Variants in SNTG1 observed in about 807,000 individuals in gnomAD.
SNTG1 encodes gamma-1-syntrophin.
SNTG1 carries 39 observed loss-of-function variants against 74.7 expected under a neutral mutation model. That is an observed-to-expected ratio of 0.52 (90% confidence interval 0.40 to 0.68). The LOEUF (loss-of-function observed/expected upper bound fraction) is 0.68. SNTG1 is among the 30% of genes least tolerant of loss of function. SNTG1 has a pLI of 0.00. For synonymous variants in SNTG1, 254 were observed against 217.1 expected (o/e 1.17, Z -1.49); for missense variants, 685 against 609.5 (o/e 1.12, Z -1.30).
intron 17 of SNTG1, among the ~76,000 whole-genome samples, chr8:50,729,608 A>C (rs1370416983): frequency 6.6e-6 from 1 of 152,092 alleles, no homozygotes; most frequent in African/African-American, 2.4e-5. Context: ...TTGCCTTTGT[A>C]TTGAGAACTA....
intron 2 of SNTG1, among the ~76,000 whole-genome samples, chr8:50,358,298 C>CATCT (rs1251427117): frequency 6.6e-6 from 1 of 152,222 alleles, no homozygotes; most frequent in Non-Finnish European, 1.5e-5. Context: ...CACACTCCTA[C>CATCT]ATCTGCTCAG....
chr8:50,151,228 G>A (rs2082057742), intron 1 of SNTG1, among the ~76,000 whole-genome samples: 1 of 152,148 alleles, frequency 6.6e-6, no homozygotes, highest in Admixed American at 6.5e-5. Context: ...TCTGATGGTA[G>A]TTTGTATTTC....
chr8:50,313,797 A>C (rs1587081799), intron 2 of SNTG1, among the ~76,000 whole-genome samples: 1 of 149,976 alleles, frequency 6.7e-6, no homozygotes, highest in Non-Finnish European at 1.5e-5. Context: ...GACAGTGATC[A>C]ATATCTTCTT....
At chr8:50,655,518 CAATTCT>C (rs536478625) in intron 13 of SNTG1, among the ~76,000 whole-genome samples, 168 of 152,186 alleles carry the variant, frequency 1.1e-3, no homozygotes, top group Middle Eastern at 6.8e-3. Context: ...GTTCAAATTC[CAATTCT>C]AACTTATATC....
At chr8:50,198,993 A>G (rs961895285) in intron 2 of SNTG1, among the ~76,000 whole-genome samples, 1 of 152,214 alleles carries the variant, frequency 6.6e-6, no homozygotes, top group Admixed American at 6.5e-5. Flanking sequence ...GGGAATTAGT[A>G]CTGAATATGG....
chr8:50,041,202 C>G (rs1460705110), intron 1 of SNTG1, among the ~76,000 whole-genome samples: 1 of 151,972 alleles, frequency 6.6e-6, no homozygotes, highest in Non-Finnish European at 1.5e-5. Context: ...GGCCAAGGAG[C>G]ATTTGTAGTT....
At position 49,973,516 on chromosome 8, in the gene SNTG1, TA is replaced by T. The variant is rs879358498; in HGVS notation, c.-103+61298del. On this transcript the variant is annotated intron_variant, in intron 1 of 18. Transcript: ENST00000642720. ...TACCCTAAAAGTTAAAGCATAATAA[TA>T]AAAAAAAAAAAAGAAAAGAGTCTGG... Among the ~76,000 whole-genome samples, 1,262 of 129,666 alleles carry T rather than the reference TA, an allele frequency of 9.7e-3. 10 individuals are homozygous for T. Among genetic ancestry groups the T allele is most frequent in the African/African-American group, 0.023 (826 of 35,210 alleles). The allele number at this position is 129,666 out of a possible 152,430, so 85.1% of individuals were successfully genotyped here. A position where few individuals can be genotyped will look rare whatever the true frequency, so the allele number is the denominator to read the frequency against.
chr8:50,360,503 C>T (rs117712894), intron 2 of SNTG1, among the ~76,000 whole-genome samples: 2,560 of 152,216 alleles, frequency 0.017, 27 homozygotes, highest in Non-Finnish European at 0.027. Context: ...CCATGCATCA[C>T]TTAAGGACAG....
chr8:50,669,900 T>G (rs1012576149), intron 15 of SNTG1, among the ~76,000 whole-genome samples: 1 of 152,118 alleles, frequency 6.6e-6, no homozygotes, highest in Non-Finnish European at 1.5e-5. Context: ...GGCAAATCAA[T>G]AAATGTAATC....
chr8:50,263,237 G>T (rs1011376167), intron 2 of SNTG1, among the ~76,000 whole-genome samples: 2 of 152,044 alleles, frequency 1.3e-5, no homozygotes, highest in Non-Finnish European at 2.9e-5. Context: ...TTTTAATTTT[G>T]CTGTGAACCT....
chr8:49,930,489 GAGATATA>G (rs1807470600), intron 1 of SNTG1, among the ~76,000 whole-genome samples: 1 of 75,366 alleles, frequency 1.3e-5, no homozygotes, highest in Admixed American at 1.6e-4. Flanking sequence ...TCTGATGAAG[GAGATATA>G]TAATATATAT....
intron 1 of SNTG1, among the ~76,000 whole-genome samples, chr8:49,982,512 A>G (rs552962918): frequency 1.3e-4 from 19 of 151,916 alleles, no homozygotes; most frequent in African/African-American, 4.3e-4. Flanking sequence ...GTATACATGT[A>G]TACATACATA....
At chr8:50,366,645 A>G (rs1159000092) in intron 2 of SNTG1, among the ~76,000 whole-genome samples, 1 of 147,552 alleles carries the variant, frequency 6.8e-6, no homozygotes, top group Non-Finnish European at 1.5e-5. Context: ...ATGATTTTAT[A>G]TATATATTAT....
intron 13 of SNTG1, among the ~76,000 whole-genome samples, chr8:50,607,590 C>CT (rs775511766): frequency 3.8e-4 from 58 of 151,608 alleles, no homozygotes; most frequent in Non-Finnish European, 7.1e-4. Context: ...TTCCCTCTCT[C>CT]TTTTTTGTAA....
chr8:49,966,225 G>A (rs553133210), intron 1 of SNTG1, among the ~76,000 whole-genome samples: 1 of 152,130 alleles, frequency 6.6e-6, no homozygotes, highest in Admixed American at 6.5e-5. Context: ...TCAAGCCTCA[G>A]TTTCTGTCTT....
chr8:50,217,880 A>G (rs1334537001), intron 2 of SNTG1, among the ~76,000 whole-genome samples: 1 of 152,178 alleles, frequency 6.6e-6, no homozygotes, highest in African/African-American at 2.4e-5. Flanking sequence ...AAGACTGTAG[A>G]CTGCATTCAT....
intron 17 of SNTG1, among the ~76,000 whole-genome samples, chr8:50,749,862 G>A (rs2095563280): frequency 6.6e-6 from 1 of 152,000 alleles, no homozygotes; most frequent in Non-Finnish European, 1.5e-5. Context: ...AGGGAGATGT[G>A]CAAGGAGGCT....
intron 8 of SNTG1, among the ~76,000 whole-genome samples, chr8:50,455,546 ATG>A (rs2093497276): frequency 6.6e-6 from 1 of 152,230 alleles, no homozygotes; most frequent in African/African-American, 2.4e-5. Flanking sequence ...GTGAAAACAA[ATG>A]CTGATAAAAC....
chr8:50,474,086 A>G (rs1409554601), intron 8 of SNTG1, among the ~76,000 whole-genome samples: 3 of 152,082 alleles, frequency 2.0e-5, no homozygotes, highest in African/African-American at 4.8e-5. Context: ...CAGTTTGAAT[A>G]TACTTAAAAC....
Sources: allele counts gnomAD v4.1 joint callset (sites outside exome capture counted in the v4.1 genomes callset), GRCh38; gene constraint gnomAD v4.1.1; transcripts MANE v1.5; gene names NCBI Gene and HGNC (gene_info 2026-07-23, HGNC 2026-07-21).